ROR1: variants seen among roughly 807,000 people sequenced by gnomAD.
The protein encoded by ROR1 is inactive tyrosine-protein kinase transmembrane receptor ROR1.
Under a neutral mutation model 78.8 loss-of-function variants are expected in ROR1, and 19 were observed. The observed-to-expected ratio is 0.24, with a 90% CI of 0.17 to 0.35. ROR1 has a LOEUF of 0.35. Ranked by LOEUF, ROR1 falls within the 10% of genes least tolerant of loss-of-function variation. The pLI, the probability that ROR1 is intolerant of heterozygous loss-of-function variation, is 1.00. For missense variants in ROR1, 917 were observed against 1,177.8 expected, an observed-to-expected ratio of 0.78 and a Z score of 3.24; for synonymous variants, 386 against 433.6, an observed-to-expected ratio of 0.89 and a Z score of 1.36.
intron 1 of ROR1, among the ~76,000 whole-genome samples, chr1:63,786,497 C>A (rs1644688503): frequency 6.6e-6 from 1 of 150,778 alleles, no homozygotes; most frequent in Admixed American, 6.6e-5. Flanking sequence ...TGGTCTCGAT[C>A]TCCTGACCCC....
intron 1 of ROR1, among the ~76,000 whole-genome samples, chr1:63,923,461 A>T (rs1294777823): frequency 6.6e-6 from 1 of 151,928 alleles, no homozygotes; most frequent in Non-Finnish European, 1.5e-5. Context: ...GGCAAAGAGG[A>T]TTGTTGTAGC....
At chr1:63,803,175 T>A (rs1644806621) in intron 1 of ROR1, among the ~76,000 whole-genome samples, 1 of 152,184 alleles carries the variant, frequency 6.6e-6, no homozygotes, top group African/African-American at 2.4e-5. Flanking sequence ...CACTTGGAGA[T>A]ACAAGCCTCT....
At chr1:63,885,987 C>T (rs2100381437) in intron 1 of ROR1, among the ~76,000 whole-genome samples, 1 of 151,602 alleles carries the variant, frequency 6.6e-6, no homozygotes, top group African/African-American at 2.4e-5. Context: ...CGGTGGGAGC[C>T]CTGAGCTTGT....
intron 1 of ROR1, among the ~76,000 whole-genome samples, chr1:63,957,281 A>C (rs1331676825): frequency 6.6e-6 from 1 of 152,190 alleles, no homozygotes; most frequent in Non-Finnish European, 1.5e-5. Flanking sequence ...ATGCAACTGC[A>C]GGATCTTTGG....
intron 1 of ROR1, among the ~76,000 whole-genome samples, chr1:63,938,193 CATT>C (rs891818342): frequency 1.3e-5 from 2 of 152,124 alleles, no homozygotes; most frequent in Non-Finnish European, 2.9e-5. Flanking sequence ...TTTTTCTTCT[CATT>C]ATTCCCTAGA....
At chr1:64,103,278 G>C (rs1030007466) in intron 4 of ROR1, among the ~76,000 whole-genome samples, 1 of 151,504 alleles carries the variant, frequency 6.6e-6, no homozygotes, top group Non-Finnish European at 1.5e-5. Context: ...ATGGCACGTT[G>C]TGCACATGTA....
chr1:64,058,597 G>GGT (rs1553154723), intron 4 of ROR1, among the ~76,000 whole-genome samples: 1 of 147,436 alleles, frequency 6.8e-6, no homozygotes, highest in African/African-American at 2.5e-5. Flanking sequence ...ATCGTGGTGG[G>GGT]TTTTTTTTTG....
At position 63,865,567 on chromosome 1, in the gene ROR1, A is replaced by G. The variant is rs1645210160; in HGVS notation, c.91+91059A>G. ...TGTGGAGTCCTTTTTTTTCCCATAC[A>G]AGGGGAAAACAATAATTACATGTTG... On this transcript the variant is annotated intron_variant, in intron 1 of 8. Coordinates refer to ENST00000371079, the MANE Select transcript of ROR1 (RefSeq NM_005012.4). Among the ~76,000 whole-genome samples, 5 of 152,176 alleles carry G rather than the reference A, an allele frequency of 3.3e-5. No homozygotes were observed. In the South Asian group the frequency reaches 1.0e-3, roughly 32 times the overall value.
At chr1:64,174,757 A>G (rs1650330984) in intron 8 of ROR1, among the ~76,000 whole-genome samples, 1 of 152,188 alleles carries the variant, frequency 6.6e-6, no homozygotes. Context: ...TCTTAATGTC[A>G]TGCAGGAAAA....
At chr1:63,804,783 C>A (rs115764715) in intron 1 of ROR1, among the ~76,000 whole-genome samples, 3,592 of 152,248 alleles carry the variant, frequency 0.024, 153 homozygotes, top group African/African-American at 0.083. Context: ...TGCAATCTCT[C>A]CCCTAAATAA....
At chr1:63,933,036 G>A (rs1370643031) in intron 1 of ROR1, among the ~76,000 whole-genome samples, 2 of 152,136 alleles carry the variant, frequency 1.3e-5, no homozygotes, top group Non-Finnish European at 2.9e-5. Context: ...CTGAGATTGA[G>A]CCCAGGGATC....
chr1:64,078,759 T>C (rs920274508), intron 4 of ROR1, among the ~76,000 whole-genome samples: 2 of 152,096 alleles, frequency 1.3e-5, no homozygotes, highest in African/African-American at 4.8e-5. Flanking sequence ...AAGGAAAAGA[T>C]ACGATCTTAA....
At chr1:64,068,540 A>G (rs1357920158) in intron 4 of ROR1, among the ~76,000 whole-genome samples, 2 of 152,114 alleles carry the variant, frequency 1.3e-5, no homozygotes, top group African/African-American at 2.4e-5. Flanking sequence ...CTATTTGCAC[A>G]TATATATGAA....
At chr1:64,174,898 G>A (rs976395219) in intron 8 of ROR1, among the ~76,000 whole-genome samples, 4 of 151,756 alleles carry the variant, frequency 2.6e-5, no homozygotes, top group African/African-American at 7.3e-5. Context: ...AATTCTACAA[G>A]CTCCCACAAG....
intron 8 of ROR1, among the ~76,000 whole-genome samples, chr1:64,167,354 C>T (rs752305099): frequency 2.6e-5 from 4 of 152,252 alleles, no homozygotes; most frequent in East Asian, 1.9e-4. Flanking sequence ...CAGAAAGTTA[C>T]GTTATAGAGA....
Position 64,035,147 on chromosome 1 carries a change from C to G in ROR1, c.164-14544C>G, listed in dbSNP as rs1386558533. Among the ~76,000 whole-genome samples, 3 of 152,174 alleles carry G rather than the reference C, an allele frequency of 2.0e-5. No homozygotes were observed. The East Asian group carries it at 5.8e-4, about 29-fold the overall frequency. ...CTAGCAGTCCAGAGCACAAGGCCCC[C>G]TCATGAGTCTCCATCATCATAATGT... On this transcript the variant is annotated intron_variant, in intron 2 of 8. Transcript: ENST00000371079.
intron 1 of ROR1, among the ~76,000 whole-genome samples, chr1:63,902,194 A>C (rs1484132567): frequency 6.6e-6 from 1 of 152,212 alleles, no homozygotes; most frequent in Admixed American, 6.5e-5. Context: ...TTAAATGGAA[A>C]AGAAGGAAGA....
At chr1:63,802,497 A>C (rs1028223186) in intron 1 of ROR1, among the ~76,000 whole-genome samples, 2 of 152,250 alleles carry the variant, frequency 1.3e-5, no homozygotes, top group African/African-American at 4.8e-5. Flanking sequence ...GCAAGAATTT[A>C]GAGGTGGGAA....
At chr1:64,015,379 C>T (rs1032902951) in intron 2 of ROR1, among the ~76,000 whole-genome samples, 3 of 152,172 alleles carry the variant, frequency 2.0e-5, no homozygotes, top group African/African-American at 7.2e-5. Context: ...CTTGCTCGGT[C>T]ACAACATACA....
Sources: gnomAD v4.1 joint callset for allele counts (sites outside exome capture counted in the v4.1 genomes callset) on GRCh38, gnomAD v4.1.1 for gene constraint, MANE v1.5 for transcripts, NCBI Gene and HGNC (gene_info 2026-07-23, HGNC 2026-07-21) for gene names.